VAT1L: variants seen among roughly 807,000 people sequenced by gnomAD.
VAT1L encodes the protein vesicle amine transport 1 like, also known as putative NADPH-dependent quinone oxidoreductase VAT1L.
VAT1L carries 34 observed loss-of-function variants against 44.1 expected under a neutral mutation model. The ratio of observed to expected loss-of-function variants is 0.77; its 90% CI spans 0.59 to 1.03. VAT1L has a LOEUF of 1.03. VAT1L is among the 50% of genes least tolerant of loss of function. The pLI is 0.00. For missense variants in VAT1L, 615 were observed against 538.8 expected, an observed-to-expected ratio of 1.14 and a Z score of -1.40; for synonymous variants, 253 against 202.2, an observed-to-expected ratio of 1.25 and a Z score of -2.13.
At chr16:77,925,689 G>T (rs1437536998) in intron 7 of VAT1L, among the ~76,000 whole-genome samples, 1 of 152,144 alleles carries the variant, frequency 6.6e-6, no homozygotes, top group African/African-American at 2.4e-5. Context: ...TCGTTCTGCA[G>T]ATGACGTAAA....
chr16:77,935,828 G>T (rs2017788613), intron 7 of VAT1L, among the ~76,000 whole-genome samples: 1 of 152,100 alleles, frequency 6.6e-6, no homozygotes, highest in African/African-American at 2.4e-5. Flanking sequence ...ATGAGCTTCA[G>T]TTTTTTTCAT....
At chr16:77,834,903 T>C (rs2016622849) in intron 3 of VAT1L, among the ~76,000 whole-genome samples, 1 of 152,184 alleles carries the variant, frequency 6.6e-6, no homozygotes, top group South Asian at 2.1e-4. Flanking sequence ...ATAATAACAA[T>C]GCATTTATTC....
chr16:77,810,926 T>C (rs776530466), intron 1 of VAT1L, among the ~76,000 whole-genome samples: 1 of 152,178 alleles, frequency 6.6e-6, no homozygotes, highest in African/African-American at 2.4e-5. Context: ...AAACCACAAT[T>C]ACTTTTGCAC....
chr16:77,840,246 G>C (rs146809190), intron 3 of VAT1L, among the ~76,000 whole-genome samples: 2 of 152,160 alleles, frequency 1.3e-5, no homozygotes, highest in African/African-American at 4.8e-5. Flanking sequence ...AAAGCAAATG[G>C]GCAGTCCAGC....
intron 4 of VAT1L, among the ~76,000 whole-genome samples, chr16:77,873,318 T>C (rs2017051686): frequency 6.6e-6 from 1 of 152,222 alleles, no homozygotes; most frequent in Non-Finnish European, 1.5e-5. Flanking sequence ...GGAGTTAAAA[T>C]GCCTGCCTCA....
intron 7 of VAT1L, among the ~76,000 whole-genome samples, chr16:77,897,983 G>C (rs1002092756): frequency 6.6e-6 from 1 of 152,216 alleles, no homozygotes; most frequent in Non-Finnish European, 1.5e-5. Flanking sequence ...GCGTTCTGGA[G>C]GCTGGAAGTG....
At chr16:77,942,499 C>T (rs1181344603) in intron 7 of VAT1L, among the ~76,000 whole-genome samples, 2 of 152,072 alleles carry the variant, frequency 1.3e-5, no homozygotes, top group Non-Finnish European at 2.9e-5. Flanking sequence ...AATATATACA[C>T]AGTAATGGGA....
At chr16:77,897,031 A>G (rs1015002592) in intron 7 of VAT1L, among the ~76,000 whole-genome samples, 1 of 152,206 alleles carries the variant, frequency 6.6e-6, no homozygotes, top group African/African-American at 2.4e-5. Context: ...TATTTGCAGA[A>G]AGGCAACAGA....
chr16:77,929,009 G>A (rs867284470), intron 7 of VAT1L, among the ~76,000 whole-genome samples: 1 of 152,108 alleles, frequency 6.6e-6, no homozygotes. Flanking sequence ...TAGAGATGGG[G>A]TTTCACCATG....
At chr16:77,812,217 C>T (rs994267942) in intron 1 of VAT1L, among the ~76,000 whole-genome samples, 13 of 151,848 alleles carry the variant, frequency 8.6e-5, no homozygotes, top group African/African-American at 3.1e-4. Flanking sequence ...AGACTATAGG[C>T]GTGCGCTATC....
chr16:77,843,065 C>G (rs1254498571), intron 3 of VAT1L, among the ~76,000 whole-genome samples: 1 of 152,116 alleles, frequency 6.6e-6, no homozygotes, highest in African/African-American at 2.4e-5. Flanking sequence ...TTGGCAAAGA[C>G]AGAGGTACAA....
At chr16:77,833,313 A>C (rs145573547) in intron 3 of VAT1L, among the ~76,000 whole-genome samples, 136 of 152,308 alleles carry the variant, frequency 8.9e-4, no homozygotes, top group African/African-American at 3.2e-3. Flanking sequence ...AGGTGATATG[A>C]GTATTGAGAA....
At position 77,822,045 on chromosome 16, in the gene VAT1L, A is replaced by G. The variant is rs190189178; in HGVS notation, c.364-3201A>G. Among the ~76,000 whole-genome samples the G allele has an allele frequency of 1.2e-3, 178 of 152,354 alleles. 1 individual carries two copies. Among genetic ancestry groups the G allele is most frequent in the Middle Eastern group, 3.4e-3 (1 of 294 alleles). On this transcript the variant is annotated intron_variant, in intron 2 of 8. Coordinates refer to ENST00000302536, the MANE Select transcript of VAT1L (RefSeq NM_020927.3). ...ACAGGCGTCAATACTGAACAGGCAC[A>G]GGGGCTGATCCTTTCCTTCTCCTTT...
At chr16:77,891,798 C>T (rs1192154945) in intron 7 of VAT1L, among the ~76,000 whole-genome samples, 1 of 152,210 alleles carries the variant, frequency 6.6e-6, no homozygotes, top group East Asian at 1.9e-4. Flanking sequence ...TTAGGCCGGG[C>T]GCGGTGGCTC....
intron 4 of VAT1L, among the ~76,000 whole-genome samples, chr16:77,864,278 C>T (rs141554137): frequency 4.6e-5 from 7 of 152,146 alleles, no homozygotes; most frequent in African/African-American, 1.2e-4. Flanking sequence ...AAAGGTATTA[C>T]GTTGTCCAGA....
At chr16:77,852,110 C>T (rs1389241149) in intron 3 of VAT1L, among the ~76,000 whole-genome samples, 1 of 152,178 alleles carries the variant, frequency 6.6e-6, no homozygotes, top group Non-Finnish European at 1.5e-5. Flanking sequence ...TCTCCCCCTC[C>T]CAATCTCGGG....
intron 1 of VAT1L, among the ~76,000 whole-genome samples, chr16:77,813,094 T>A (rs1242577666): frequency 6.6e-6 from 1 of 152,066 alleles, no homozygotes; most frequent in Non-Finnish European, 1.5e-5. Flanking sequence ...AAGAATCAGA[T>A]TACCTTAGAG....
chr16:77,880,124 A>T (rs2017134237), intron 6 of VAT1L, among the ~76,000 whole-genome samples: 1 of 152,096 alleles, frequency 6.6e-6, no homozygotes, highest in African/African-American at 2.4e-5. Context: ...CTATCTTCCT[A>T]TCTGGAGCTA....
chr16:77,789,650 G>A (rs1448882719), intron 1 of VAT1L, among the ~76,000 whole-genome samples: 1 of 152,024 alleles, frequency 6.6e-6, no homozygotes, highest in Non-Finnish European at 1.5e-5. Context: ...GGGCTGCAGC[G>A]CAACCCCCTC....
Sources: gnomAD v4.1 joint callset for allele counts (sites outside exome capture counted in the v4.1 genomes callset) on GRCh38, gnomAD v4.1.1 for gene constraint, MANE v1.5 for transcripts, NCBI Gene and HGNC (gene_info 2026-07-23, HGNC 2026-07-21) for gene names.